The following DSCAM variants were observed in gnomAD, a reference collection of about 807,000 sequenced individuals.
The protein encoded by DSCAM is DS cell adhesion molecule, also known as cell adhesion molecule DSCAM.
A neutral mutation model predicts 217.7 loss-of-function variants in DSCAM; 47 were observed. That is an observed-to-expected ratio of 0.22 (90% CI 0.17 to 0.28). DSCAM has a LOEUF of 0.28. Among genes scored for constraint, DSCAM ranks in the 10% least tolerant of loss-of-function variants. DSCAM has a pLI of 1.00. For missense variants in DSCAM, 2,080 were observed against 2,618.3 expected (o/e 0.79, Z 4.49); for synonymous variants, 1,056 against 1,015.3 (o/e 1.04, Z -0.76).
intron 11 of DSCAM, among the ~76,000 whole-genome samples, chr21:40,264,008 T>C (rs141912270): frequency 0.015 from 2,283 of 151,562 alleles, 22 homozygotes; most frequent in Non-Finnish European, 0.025. Context: ...CAGGAATAAA[T>C]AGAAATCCTG....
At chr21:40,354,385 TAA>T (rs1465009979) in intron 4 of DSCAM, among the ~76,000 whole-genome samples, 1 of 152,030 alleles carries the variant, frequency 6.6e-6, no homozygotes, top group Non-Finnish European at 1.5e-5. Flanking sequence ...AAATATTTTT[TAA>T]GTTAGTGGCT....
intron 17 of DSCAM, 145 bp from the exon 18 acceptor site, chr21:40,142,849 CACTTCCCTGG>C (rs2090309810): frequency 5.3e-6 from 5 of 937,388 alleles, no homozygotes; most frequent in Non-Finnish European, 7.9e-6. Context: ...TAACAAAGAT[CACTTCCCTGG>C]AAAAATCTTA....
rs146471380 is a variant in DSCAM at position 40,465,015 on chromosome 21, A to C, written c.509-95770T>G. Among the ~76,000 whole-genome samples the C allele has an allele frequency of 7.2e-5, 11 of 152,232 alleles. No individual in the cohort carries two copies. In the East Asian group the frequency reaches 2.1e-3, roughly 30 times the overall value. ...TGGCCTCCCGAAGTGCTGGGATTAC[A>C]GGTGTGAGCCACCGCATCTGGCCCA... is the stretch of plus-strand genomic sequence containing the variant. On this transcript the variant is annotated intron_variant, in intron 3 of 32. Transcript: ENST00000400454.
intron 3 of DSCAM, among the ~76,000 whole-genome samples, chr21:40,480,705 C>T (rs772347462): frequency 5.3e-5 from 8 of 152,096 alleles, no homozygotes; most frequent in Non-Finnish European, 4.4e-5. Flanking sequence ...TATTAAACAG[C>T]GATGTGCCAC....
chr21:40,514,337 C>G (rs953162239), intron 3 of DSCAM, among the ~76,000 whole-genome samples: 1 of 152,160 alleles, frequency 6.6e-6, no homozygotes, highest in Admixed American at 6.6e-5. Context: ...GGAAAATGAA[C>G]AAGGCCATCT....
intron 11 of DSCAM, among the ~76,000 whole-genome samples, chr21:40,229,026 C>T (rs139901414): frequency 6.6e-6 from 1 of 152,206 alleles, no homozygotes; most frequent in African/African-American, 2.4e-5. Context: ...AGCCTCTTCC[C>T]TAGCTTGTTT....
At chr21:40,094,409 T>G (rs2089651360) in intron 20 of DSCAM, among the ~76,000 whole-genome samples, 1 of 152,094 alleles carries the variant, frequency 6.6e-6, no homozygotes, top group Non-Finnish European at 1.5e-5. Flanking sequence ...GAGGCAGAGC[T>G]GAGAGCCTGA....
At chr21:40,773,257 A>G (rs186272530) in intron 1 of DSCAM, among the ~76,000 whole-genome samples, 1 of 152,338 alleles carries the variant, frequency 6.6e-6, no homozygotes, top group East Asian at 1.9e-4. Context: ...TGGTTGCTTT[A>G]AACAATAGAA....
chr21:40,656,952 C>T (rs899091031), intron 3 of DSCAM, among the ~76,000 whole-genome samples: 1 of 152,192 alleles, frequency 6.6e-6, no homozygotes, highest in African/African-American at 2.4e-5. Context: ...AAGCATTGTT[C>T]CACCTTAACC....
chr21:40,545,549 G>A (rs1462330149), intron 3 of DSCAM, among the ~76,000 whole-genome samples: 1 of 152,156 alleles, frequency 6.6e-6, no homozygotes, highest in Non-Finnish European at 1.5e-5. Context: ...AGACCACAGA[G>A]AAGTCACACA....
intron 3 of DSCAM, among the ~76,000 whole-genome samples, chr21:40,374,784 G>T (rs899679881): frequency 6.6e-6 from 1 of 152,224 alleles, no homozygotes; most frequent in Non-Finnish European, 1.5e-5. Context: ...TGGGATCGCA[G>T]TGAGAAGGCG....
intron 4 of DSCAM, 122 bp downstream of exon 4, chr21:40,368,977 T>G (rs2074864128): frequency 1.8e-6 from 2 of 1,135,268 alleles, no homozygotes; most frequent in Non-Finnish European, 2.4e-6. Flanking sequence ...TCCTAAAATA[T>G]TTTGGAAAAG....
intron 26 of DSCAM, among the ~76,000 whole-genome samples, chr21:40,077,894 A>T (rs2089390569): frequency 6.6e-6 from 1 of 152,156 alleles, no homozygotes; most frequent in Non-Finnish European, 1.5e-5. Context: ...TAGAGCACCT[A>T]ACTCAATCCT....
At chr21:40,126,983 T>C (rs1004134583) in intron 19 of DSCAM, among the ~76,000 whole-genome samples, 16 of 152,242 alleles carry the variant, frequency 1.1e-4, no homozygotes, top group Admixed American at 7.9e-4. Flanking sequence ...CTTAAAGGTG[T>C]GGGCCCTGGA....
chr21:40,257,489 C>CACACACAA (rs965484381), intron 11 of DSCAM, among the ~76,000 whole-genome samples: 2 of 151,658 alleles, frequency 1.3e-5, no homozygotes, highest in African/African-American at 4.9e-5. Flanking sequence ...CACACACACA[C>CACACACAA]ACACACACAA....
At chr21:40,330,053 A>G (rs78169793) in intron 8 of DSCAM, among the ~76,000 whole-genome samples, 3,196 of 152,122 alleles carry the variant, frequency 0.021, 66 homozygotes, top group African/African-American at 0.053. Flanking sequence ...TATGTGAGAC[A>G]ACCTATATGT....
intron 3 of DSCAM, among the ~76,000 whole-genome samples, chr21:40,506,012 C>T (rs985415755): frequency 3.9e-5 from 6 of 152,194 alleles, no homozygotes; most frequent in Non-Finnish European, 7.3e-5. Context: ...GATATAAAGT[C>T]ACTGCTGCAA....
intron 1 of DSCAM, among the ~76,000 whole-genome samples, chr21:40,779,759 T>A (rs1421642992): frequency 6.6e-6 from 1 of 152,142 alleles, no homozygotes; most frequent in African/African-American, 2.4e-5. Context: ...GGCAAAGGGA[T>A]GGCAGTGTAA....
At chr21:40,811,096 G>A (rs2091834090) in intron 1 of DSCAM, among the ~76,000 whole-genome samples, 1 of 152,120 alleles carries the variant, frequency 6.6e-6, no homozygotes, top group African/African-American at 2.4e-5. Context: ...TAAATAATAT[G>A]GGAAGGCTCA....
Sources: allele counts gnomAD v4.1 joint callset (sites outside exome capture counted in the v4.1 genomes callset), GRCh38; gene constraint gnomAD v4.1.1; transcripts MANE v1.5; gene names NCBI Gene and HGNC (gene_info 2026-07-23, HGNC 2026-07-21).